The following AMBRA1 variants were observed in gnomAD, a reference collection of about 807,000 sequenced individuals.
AMBRA1 encodes the protein activating molecule in BECN1-regulated autophagy protein 1.
In AMBRA1, 47 loss-of-function variants were observed where a neutral mutation model predicts 125.4. The ratio of observed to expected loss-of-function variants is 0.37; its 90% CI spans 0.30 to 0.48. The LOEUF (loss-of-function observed/expected upper bound fraction) is 0.48. AMBRA1 is among the 20% of genes least tolerant of loss of function. The pLI is 0.99. For missense variants in AMBRA1, 1,331 were observed against 1,693.4 expected (o/e 0.79, Z 3.76); for synonymous variants, 626 against 655.5 (o/e 0.95, Z 0.69).
At chr11:46,408,478 C>G (rs1009668875) in intron 17 of AMBRA1, 35 bp downstream of exon 17, 1 of 1,478,962 alleles carries the variant, frequency 6.8e-7, no homozygotes, top group Non-Finnish European at 9.0e-7. Flanking sequence ...CTTAGGGTCC[C>G]TCTCCCACCC....
intron 7 of AMBRA1, among the ~76,000 whole-genome samples, chr11:46,527,556 G>C (rs943689760): frequency 7.2e-6 from 1 of 139,130 alleles, no homozygotes; most frequent in Non-Finnish European, 1.5e-5. Flanking sequence ...TCAGATAAAT[G>C]TTTAATGTCC....
intron 14 of AMBRA1, among the ~76,000 whole-genome samples, chr11:46,428,153 C>T (rs1274050897): frequency 6.6e-6 from 1 of 151,712 alleles, no homozygotes; most frequent in East Asian, 1.9e-4. Context: ...ACCAGCAAAA[C>T]TCTTAGGTCA....
chr11:46,398,664 G>A (rs1053811607), intron 17 of AMBRA1, among the ~76,000 whole-genome samples: 2 of 152,088 alleles, frequency 1.3e-5, no homozygotes, highest in African/African-American at 4.8e-5. Context: ...TTTTAGTAGA[G>A]ACAGGGTTTC....
chr11:46,543,199 G>A lies in AMBRA1; in HGVS notation c.818C>T (p.Pro273Leu), dbSNP rs765282685. The A allele has an allele frequency of 3.8e-6, 6 of 1,591,772 alleles. No homozygotes were observed. The African/African-American group carries it at 8.1e-5, about 21-fold the overall frequency. ...QDSATPSPPP[P>L]PPQPSTERPR... ...GCGCTCCGTGGAGGGCTGAGGGGGA[G>A]GCGGTGGGGGTGAGGGGGTAGCAGA... Residue 273 changes from proline (P) to leucine (L), a missense_variant, in exon 7 of 18, where the codon CCT (proline) becomes CTT (leucine). Around this residue, in one of 4 missense-constraint regions of AMBRA1, gnomAD observed 689 missense variants for 776.5 expected, o/e 0.89. Coordinates refer to ENST00000683756, the MANE Select transcript of AMBRA1 (RefSeq NM_001387011.1).
intron 14 of AMBRA1, among the ~76,000 whole-genome samples, chr11:46,419,924 T>G (rs1946762258): frequency 6.7e-6 from 1 of 150,068 alleles, no homozygotes; most frequent in African/African-American, 2.5e-5. Flanking sequence ...TCATGTGCCT[T>G]GGGTACGTAT....
chr11:46,592,596 A>G (rs2044643082), intron 1 of AMBRA1, among the ~76,000 whole-genome samples: 1 of 152,008 alleles, frequency 6.6e-6, no homozygotes, highest in African/African-American at 2.4e-5. Flanking sequence ...CGTCTTTACT[A>G]CAAATACAAA....
intron 2 of AMBRA1, 76 bp downstream of exon 2, chr11:46,548,170 G>A (rs937860072): frequency 1.9e-6 from 3 of 1,586,468 alleles, no homozygotes; most frequent in African/African-American, 2.7e-5. Flanking sequence ...CCAACTCTCT[G>A]CTGTTAACCC....
rs541429358 is a variant in AMBRA1 at position 46,525,675 on chromosome 11, C to T, written c.2073-12862G>A. 1.4e-3 allele frequency among the ~76,000 whole-genome samples: 209 copies of T among 151,838 alleles called. 1 individual carries two copies. Among genetic ancestry groups the T allele is most frequent in the Non-Finnish European group, 2.5e-3 (172 of 67,906 alleles). On this transcript the variant is annotated intron_variant, in intron 7 of 17. Transcript: ENST00000683756. ...CTGAGGCAGAAGAATCATTTGAATC[C>T]GGGAGGCGGAAGTTGCAGTGACCCG...
intron 7 of AMBRA1, among the ~76,000 whole-genome samples, chr11:46,521,446 G>A (rs1321271346): frequency 1.3e-5 from 2 of 152,254 alleles, no homozygotes; most frequent in African/African-American, 4.8e-5. Flanking sequence ...GGGATGAAGG[G>A]GCAGGAGGCC....
intron 1 of AMBRA1, among the ~76,000 whole-genome samples, chr11:46,566,725 T>C (rs2043546498): frequency 1.3e-5 from 2 of 152,110 alleles, no homozygotes; most frequent in Admixed American, 1.3e-4. Flanking sequence ...AGCATGACAG[T>C]GAAAAAGATC....
At chr11:46,525,849 T>C (rs1179562449) in intron 7 of AMBRA1, among the ~76,000 whole-genome samples, 1 of 151,298 alleles carries the variant, frequency 6.6e-6, no homozygotes, top group African/African-American at 2.4e-5. Context: ...AAGATGGAGG[T>C]TGCAGTGAGC....
intron 1 of AMBRA1, among the ~76,000 whole-genome samples, chr11:46,589,838 G>A (rs1199299860): frequency 6.6e-6 from 1 of 151,432 alleles, no homozygotes; most frequent in Non-Finnish European, 1.5e-5. Flanking sequence ...TAGCCAGGAT[G>A]GTCTCAATCT....
chr11:46,402,520 C>G (rs973908967), intron 17 of AMBRA1, among the ~76,000 whole-genome samples: 7 of 152,254 alleles, frequency 4.6e-5, no homozygotes, highest in Non-Finnish European at 8.8e-5. Context: ...CACCACCACA[C>G]TTAGCTAATT....
Position 46,417,195 on chromosome 11 carries a change from G to A in AMBRA1, c.3116+718C>T, listed in dbSNP as rs549951546. On this transcript the variant is annotated intron_variant, in intron 15 of 17. Coordinates refer to ENST00000683756, the MANE Select transcript of AMBRA1 (RefSeq NM_001387011.1). ...GCCTCCTGAGTAGCTGGGACTACAG[G>A]CACGTGCCACTATGCCCGGCTAATT... is the stretch of plus-strand genomic sequence containing the variant. Among the ~76,000 whole-genome samples, 200 of 152,218 alleles carry A rather than the reference G, an allele frequency of 1.3e-3. No homozygotes were observed. The Middle Eastern group carries it at 0.017, about 13-fold the overall frequency.
chr11:46,584,125 A>C (rs2044281667), intron 1 of AMBRA1, among the ~76,000 whole-genome samples: 1 of 138,940 alleles, frequency 7.2e-6, no homozygotes. Context: ...AACCAACCCA[A>C]ATGTCCAACA....
rs1236175849 is a variant in AMBRA1, at chr11:46,542,884, G to A, written c.1133C>T (p.Thr378Ile). ...PSAFSTVQSSTAGNTLRNLSL... is the reference protein window; with the variant it reads ...PSAFSTVQSSIAGNTLRNLSL... ...GAGGTTGCGGAGCGTGTTGCCGGCA[G>A]TGCTGCTCTGGACTGTACTGAAGGC... Residue 378 changes from threonine (T) to isoleucine (I), a missense_variant, in exon 7 of 18, where the codon ACT becomes ATT. Thr to Ile is a moderately conservative substitution (Grantham distance 89, BLOSUM62 -1). Coordinates refer to ENST00000683756, the MANE Select transcript of AMBRA1 (RefSeq NM_001387011.1). This position sits in a 1 kb window ranked among gnomAD's most constrained non-coding sequence, Gnocchi z 5.9. 1.2e-6 allele frequency: 2 copies of A among 1,613,108 alleles called. No individual in the cohort carries two copies. The highest frequency in any genetic ancestry group is 2.2e-5 in the East Asian group (1 of 44,878).
intron 7 of AMBRA1, among the ~76,000 whole-genome samples, chr11:46,535,888 G>C (rs1952454435): frequency 6.6e-6 from 1 of 152,114 alleles, no homozygotes; most frequent in Non-Finnish European, 1.5e-5. Flanking sequence ...ATATTGGCCA[G>C]GTGCAACAGA....
At chr11:46,545,173 G>T (rs1373191302) in intron 5 of AMBRA1, among the ~76,000 whole-genome samples, 2 of 124,726 alleles carry the variant, frequency 1.6e-5, no homozygotes, top group African/African-American at 3.3e-5. Context: ...GGGGGGGGGG[G>T]GTGGTGGTGG....
intron 17 of AMBRA1, among the ~76,000 whole-genome samples, chr11:46,398,698 G>T (rs570348523): frequency 6.6e-6 from 1 of 152,246 alleles, no homozygotes; most frequent in East Asian, 1.9e-4. Context: ...GGATGTTCTT[G>T]ATCTCCTGAT....
Sources: gnomAD v4.1 joint callset for allele counts (sites outside exome capture counted in the v4.1 genomes callset) on GRCh38, gnomAD v4.1.1 for gene constraint, gnomAD v4.1.1 regional missense constraint, Gnocchi (gnomAD v3.1) non-coding constraint, MANE v1.5 for transcripts, NCBI Gene and HGNC (gene_info 2026-07-23, HGNC 2026-07-21) for gene names.